Variants in SGCZ observed in about 807,000 individuals in gnomAD.
SGCZ encodes the protein zeta-sarcoglycan.
Under a neutral mutation model 41.3 loss-of-function variants are expected in SGCZ, and 40 were observed. The ratio of observed to expected loss-of-function variants is 0.97; its 90% CI spans 0.75 to 1.26. SGCZ has a LOEUF of 1.26. Ranked by LOEUF, SGCZ falls within the 50% of genes most tolerant of loss-of-function variation. The probability of loss-of-function intolerance (pLI) is 0.00; values close to 1 mark genes in which losing one functional copy is unlikely to be tolerated. For missense variants in SGCZ, 552 were observed against 369.8 expected, an observed-to-expected ratio of 1.49 and a Z score of -4.04; for synonymous variants, 206 against 137.5, an observed-to-expected ratio of 1.50 and a Z score of -3.49.
chr8:14,588,956 A>G (rs894906743), intron 1 of SGCZ, among the ~76,000 whole-genome samples: 1 of 152,088 alleles, frequency 6.6e-6, no homozygotes, highest in African/African-American at 2.4e-5. Flanking sequence ...AGATCGTTAC[A>G]TTTGCTATGG....
intron 1 of SGCZ, among the ~76,000 whole-genome samples, chr8:15,187,633 G>C (rs1800387229): frequency 6.6e-6 from 1 of 151,780 alleles, no homozygotes; most frequent in Non-Finnish European, 1.5e-5. Flanking sequence ...TAACTTTTAG[G>C]CACATTTCTC....
chr8:14,869,769 T>C (rs1272048527), intron 1 of SGCZ, among the ~76,000 whole-genome samples: 1 of 151,994 alleles, frequency 6.6e-6, no homozygotes, highest in Non-Finnish European at 1.5e-5. Context: ...ATGTGAAAAA[T>C]CACAAGAATT....
chr8:14,556,021 C>T (rs1041732647), intron 1 of SGCZ, among the ~76,000 whole-genome samples: 2 of 151,850 alleles, frequency 1.3e-5, no homozygotes, highest in Non-Finnish European at 2.9e-5. Flanking sequence ...TTTGATAATG[C>T]ATACATTCAG....
chr8:14,389,023 T>C (rs887236280), intron 2 of SGCZ, among the ~76,000 whole-genome samples: 1 of 152,068 alleles, frequency 6.6e-6, no homozygotes, highest in East Asian at 1.9e-4. Flanking sequence ...AAAGACACTA[T>C]GAGATATAAA....
intron 1 of SGCZ, among the ~76,000 whole-genome samples, chr8:15,156,257 C>T (rs1474583075): frequency 6.6e-6 from 1 of 151,974 alleles, no homozygotes; most frequent in Admixed American, 6.6e-5. Flanking sequence ...AAGACTGAGG[C>T]CTTATTTCTG....
chr8:14,449,126 C>T (rs1357617160), intron 2 of SGCZ, among the ~76,000 whole-genome samples: 3 of 152,104 alleles, frequency 2.0e-5, no homozygotes, highest in Non-Finnish European at 2.9e-5. Flanking sequence ...GCAAAACATT[C>T]GGGGAGGAAT....
chr8:14,974,738 G>A (rs1052507974), intron 1 of SGCZ, among the ~76,000 whole-genome samples: 3 of 151,962 alleles, frequency 2.0e-5, no homozygotes, highest in African/African-American at 7.3e-5. Context: ...ACCCTATGAG[G>A]CACACATCCT....
At chr8:14,490,766 T>C (rs189039587) in intron 2 of SGCZ, among the ~76,000 whole-genome samples, 312 of 152,180 alleles carry the variant, frequency 2.1e-3, no homozygotes, top group Non-Finnish European at 3.4e-3. Context: ...CTTATGACAA[T>C]CCAGATTCTC....
intron 2 of SGCZ, among the ~76,000 whole-genome samples, chr8:14,437,376 C>T (rs1357062344): frequency 2.0e-5 from 3 of 152,214 alleles, no homozygotes; most frequent in Non-Finnish European, 1.5e-5. Flanking sequence ...AAAGCCATTC[C>T]TTCCTTTTCC....
At chr8:14,365,541 G>A (rs1019924940) in intron 2 of SGCZ, among the ~76,000 whole-genome samples, 2 of 151,998 alleles carry the variant, frequency 1.3e-5, no homozygotes, top group African/African-American at 4.8e-5. Context: ...GTTTGTCTCA[G>A]GTTTTGGCAA....
At chr8:14,601,661 T>C (rs541682292) in intron 1 of SGCZ, among the ~76,000 whole-genome samples, 4 of 152,334 alleles carry the variant, frequency 2.6e-5, no homozygotes, top group African/African-American at 9.6e-5. Flanking sequence ...TCTTTCCTTA[T>C]TGGTAGCAGA....
chr8:14,685,663 C>T (rs1196843826), intron 1 of SGCZ, among the ~76,000 whole-genome samples: 4 of 152,014 alleles, frequency 2.6e-5, no homozygotes, highest in African/African-American at 9.7e-5. Context: ...CAGTATTATT[C>T]ATTTCCATAT....
At chr8:14,462,620 G>A (rs1800933565) in intron 2 of SGCZ, among the ~76,000 whole-genome samples, 1 of 151,924 alleles carries the variant, frequency 6.6e-6, no homozygotes, top group Non-Finnish European at 1.5e-5. Context: ...GATTACTGTA[G>A]CTTTAAAGTA....
intron 2 of SGCZ, among the ~76,000 whole-genome samples, chr8:14,509,584 G>T (rs1802409067): frequency 6.6e-6 from 1 of 152,068 alleles, no homozygotes; most frequent in African/African-American, 2.4e-5. Flanking sequence ...TTAAACAAAA[G>T]CAATTTCGCA....
chr8:14,427,080 A>G (rs1485295429), intron 2 of SGCZ, among the ~76,000 whole-genome samples: 3 of 112,932 alleles, frequency 2.7e-5, no homozygotes, highest in African/African-American at 5.9e-5. Flanking sequence ...GAATGAACGA[A>G]TGAATGAGTG....
intron 1 of SGCZ, among the ~76,000 whole-genome samples, chr8:15,067,315 TCTAA>T (rs1324328558): frequency 2.6e-5 from 4 of 152,208 alleles, no homozygotes; most frequent in Non-Finnish European, 4.4e-5. Flanking sequence ...AATTTTTTAA[TCTAA>T]CTGTCTTCAA....
chr8:15,135,168 C>G (rs1026445164), intron 1 of SGCZ, among the ~76,000 whole-genome samples: 4 of 152,106 alleles, frequency 2.6e-5, no homozygotes, highest in Non-Finnish European at 4.4e-5. Flanking sequence ...AATTATGGTT[C>G]TGAGCATTCA....
intron 7 of SGCZ, among the ~76,000 whole-genome samples, chr8:14,101,915 C>T (rs560938329): frequency 2.0e-5 from 3 of 151,378 alleles, no homozygotes; most frequent in Non-Finnish European, 4.4e-5. Flanking sequence ...TGTTTTGAGA[C>T]GGAGTCTCGC....
chr8:15,038,317 T>C (rs897697345), intron 1 of SGCZ, among the ~76,000 whole-genome samples: 2 of 152,074 alleles, frequency 1.3e-5, no homozygotes, highest in Admixed American at 6.6e-5. Context: ...TTACGGTCAA[T>C]TGATTTTTGA....
Sources: gnomAD v4.1 joint callset for allele counts (sites outside exome capture counted in the v4.1 genomes callset) on GRCh38, gnomAD v4.1.1 for gene constraint, MANE v1.5 for transcripts, NCBI Gene and HGNC (gene_info 2026-07-23, HGNC 2026-07-21) for gene names.